Variants in CNTN4 observed in about 807,000 individuals in gnomAD.
The protein encoded by CNTN4 is contactin-4.
In CNTN4, 77 loss-of-function variants were observed where a neutral mutation model predicts 122.5. That is an observed-to-expected ratio of 0.63 (90% CI 0.52 to 0.76). CNTN4 has a LOEUF of 0.76. Ranked by LOEUF, CNTN4 falls within the 30% of genes least tolerant of loss-of-function variation. CNTN4 has a pLI of 0.00. For synonymous variants in CNTN4, 512 were observed against 447.0 expected (o/e 1.15, Z -1.83); for missense variants, 1,256 against 1,259.1 (o/e 1.00, Z 0.04).
chr3:2,601,029 C>A (rs184202008), intron 4 of CNTN4, among the ~76,000 whole-genome samples: 51 of 152,202 alleles, frequency 3.4e-4, no homozygotes, highest in Non-Finnish European at 6.0e-4. Flanking sequence ...ATATTCATTG[C>A]CCACTTTTTG....
intron 13 of CNTN4, among the ~76,000 whole-genome samples, chr3:2,976,948 C>G (rs1295492753): frequency 6.6e-6 from 1 of 151,930 alleles, no homozygotes; most frequent in Non-Finnish European, 1.5e-5. Context: ...CTACCCATGC[C>G]AATTAATCTG....
At chr3:2,141,321 G>A (rs1402904636) in intron 2 of CNTN4, among the ~76,000 whole-genome samples, 3 of 152,172 alleles carry the variant, frequency 2.0e-5, no homozygotes, top group Non-Finnish European at 2.9e-5. Context: ...AAGTGTACTT[G>A]TAAATGAAAG....
intron 4 of CNTN4, among the ~76,000 whole-genome samples, chr3:2,573,437 T>G (rs751415035): frequency 3.9e-5 from 6 of 152,132 alleles, no homozygotes; most frequent in African/African-American, 7.2e-5. Flanking sequence ...CCTCAGTTGT[T>G]TTTCTCTGGG....
At chr3:2,790,960 T>C (rs546836281) in intron 6 of CNTN4, among the ~76,000 whole-genome samples, 80 of 152,300 alleles carry the variant, frequency 5.3e-4, no homozygotes, top group African/African-American at 1.9e-3. Context: ...TGGTTGCTTA[T>C]TTAATACTTG....
intron 7 of CNTN4, among the ~76,000 whole-genome samples, chr3:2,834,382 T>A (rs1277552714): frequency 1.3e-5 from 2 of 152,102 alleles, no homozygotes; most frequent in South Asian, 2.1e-4. Flanking sequence ...CTGGCCAACA[T>A]GGTGAAACCC....
At chr3:2,508,856 A>G (rs1049481681) in intron 3 of CNTN4, among the ~76,000 whole-genome samples, 4 of 152,010 alleles carry the variant, frequency 2.6e-5, no homozygotes, top group African/African-American at 7.3e-5. Context: ...CCCTTTAATG[A>G]AAAAAAATCA....
rs762319356 is a variant in CNTN4 at position 2,819,553 on chromosome 3, A to G, written c.426A>G (p.Leu142=). 2.5e-6 allele frequency: 4 copies of G among 1,614,012 alleles called. No homozygotes were observed. The Admixed American group carries it at 6.7e-5, about 27-fold the overall frequency. The change falls in exon 7 of 25, where the codon CTA becomes CTG. Residue 142 remains leucine, a synonymous_variant. Coordinates refer to ENST00000418658, the MANE Select transcript of CNTN4 (RefSeq NM_175607.3). ...TCCGTCGAGGTCAAGGAATGGTGCT[A>G]CTGTGTGGCCCGCCACCCCATTCTG... ...VSVRRGQGMV[L]LCGPPPHSGE...
chr3:2,406,867 G>C (rs2047057454), intron 3 of CNTN4, among the ~76,000 whole-genome samples: 1 of 152,116 alleles, frequency 6.6e-6, no homozygotes, highest in Non-Finnish European at 1.5e-5. Flanking sequence ...TTAAGCCTCA[G>C]TTTCCCCATT....
At chr3:3,004,440 CG>C (rs1205746578) in intron 14 of CNTN4, among the ~76,000 whole-genome samples, 1 of 152,138 alleles carries the variant, frequency 6.6e-6, no homozygotes, top group Non-Finnish European at 1.5e-5. Flanking sequence ...TCTGTGACAC[CG>C]TACCTGATAT....
At chr3:2,285,162 TAG>T (rs977110296) in intron 2 of CNTN4, among the ~76,000 whole-genome samples, 2 of 152,034 alleles carry the variant, frequency 1.3e-5, no homozygotes, top group African/African-American at 4.8e-5. Context: ...GTCAAACATG[TAG>T]AGATTGGAGT....
rs1437256895 is a variant in CNTN4, at chr3:2,759,896, C to T, written c.358+14199C>T. On this transcript the variant is annotated intron_variant, in intron 6 of 24. Coordinates refer to ENST00000418658, the MANE Select transcript of CNTN4 (RefSeq NM_175607.3). ...ACCTACTGAGTGTGATGTGATGTCTCATGTGGTTTAGATTTGCATTTCCCA... is the reference window on the plus strand; with the variant it reads ...ACCTACTGAGTGTGATGTGATGTCTTATGTGGTTTAGATTTGCATTTCCCA... Among the ~76,000 whole-genome samples the T allele has an allele frequency of 2.0e-5, 3 of 152,172 alleles. No individual in the cohort carries two copies. In the East Asian group the frequency reaches 5.8e-4, roughly 29 times the overall value.
intron 4 of CNTN4, among the ~76,000 whole-genome samples, chr3:2,603,156 G>A (rs2081119227): frequency 6.6e-6 from 1 of 151,896 alleles, no homozygotes; most frequent in Admixed American, 6.6e-5. Flanking sequence ...TTTCATTTAG[G>A]ATGGAACAAA....
At chr3:2,342,952 C>T (rs2044263010) in intron 3 of CNTN4, among the ~76,000 whole-genome samples, 1 of 152,234 alleles carries the variant, frequency 6.6e-6, no homozygotes, top group South Asian at 2.1e-4. Flanking sequence ...TGACTGACTG[C>T]TACGATTTCT....
intron 24 of CNTN4, among the ~76,000 whole-genome samples, chr3:3,054,778 C>T (rs1477631003): frequency 6.6e-6 from 1 of 152,058 alleles, no homozygotes; most frequent in East Asian, 1.9e-4. Flanking sequence ...GCTGGTTGCA[C>T]AACACTGGAG....
chr3:2,654,373 A>G (rs908777366), intron 4 of CNTN4, among the ~76,000 whole-genome samples: 2 of 152,188 alleles, frequency 1.3e-5, no homozygotes, highest in Non-Finnish European at 2.9e-5. Flanking sequence ...CATTTTAATT[A>G]TTGTGCTACT....
Position 2,163,353 on chromosome 3 carries a change from CAA to C in CNTN4, c.-145+62715_-145+62716del, listed in dbSNP as rs553399904. On this transcript the variant is annotated intron_variant, in intron 2 of 24. Transcript: ENST00000418658. ...CTCTCACCTTATACAAAAATCAACT[CAA>C]GATTCATCAAAGACTTAAATCTAAG... Among the ~76,000 whole-genome samples, 781 of 152,194 alleles carry C rather than the reference CAA, an allele frequency of 5.1e-3. 9 individuals are homozygous for C. The highest frequency in any genetic ancestry group is 0.018 in the African/African-American group (730 of 41,508).
intron 14 of CNTN4, among the ~76,000 whole-genome samples, chr3:2,994,106 T>G (rs1417126173): frequency 6.6e-6 from 1 of 152,198 alleles, no homozygotes; most frequent in Non-Finnish European, 1.5e-5. Context: ...GCACATGACC[T>G]GGTGTTTTTT....
intron 12 of CNTN4, among the ~76,000 whole-genome samples, chr3:2,907,863 A>C (rs557217981): frequency 6.6e-6 from 1 of 152,216 alleles, no homozygotes; most frequent in Non-Finnish European, 1.5e-5. Flanking sequence ...TGGGTGATTT[A>C]CTCACTGGAT....
intron 9 of CNTN4, among the ~76,000 whole-genome samples, chr3:2,886,702 C>G (rs963840104): frequency 1.3e-5 from 2 of 151,220 alleles, no homozygotes; most frequent in Non-Finnish European, 1.5e-5. Flanking sequence ...TTAGTAGAGA[C>G]GGGGTTTCAC....
Sources: gnomAD v4.1 joint callset for allele counts (sites outside exome capture counted in the v4.1 genomes callset) on GRCh38, gnomAD v4.1.1 for gene constraint, MANE v1.5 for transcripts, NCBI Gene and HGNC (gene_info 2026-07-23, HGNC 2026-07-21) for gene names.